The following AK5 variants were observed in gnomAD, a reference collection of about 807,000 sequenced individuals.
AK5 encodes the protein adenylate kinase isoenzyme 5.
AK5 carries 27 observed loss-of-function variants against 69.5 expected under a neutral mutation model. The observed-to-expected ratio is 0.39, with a 90% CI of 0.29 to 0.54. AK5 has a LOEUF of 0.54. Ranked by LOEUF, AK5 falls within the 20% of genes least tolerant of loss-of-function variation. AK5 has a pLI of 0.71. For missense variants in AK5, 531 were observed against 700.4 expected, an observed-to-expected ratio of 0.76 and a Z score of 2.73; for synonymous variants, 260 against 244.4, an observed-to-expected ratio of 1.06 and a Z score of -0.60.
At chr1:77,367,550 G>GA (rs1557532335) in intron 6 of AK5, among the ~76,000 whole-genome samples, 20 of 7,738 alleles carry the variant, frequency 2.6e-3, no homozygotes, top group Non-Finnish European at 5.8e-3. Flanking sequence ...ACTCATTTAT[G>GA]TTATTTTTAT....
rs923148505 is a variant in AK5 at position 77,426,477 on chromosome 1, G to A, written c.1059+8762G>A. On this transcript the variant is annotated intron_variant, in intron 8 of 13. Transcript: ENST00000354567. ...GCCTAACAACTAAGCATCAAAACACGTAAGGCAAAAACTAGTAGAATAGCA... is the reference window on the plus strand; with the variant it reads ...GCCTAACAACTAAGCATCAAAACACATAAGGCAAAAACTAGTAGAATAGCA... 5.3e-5 allele frequency among the ~76,000 whole-genome samples: 8 copies of A among 152,256 alleles called. 1 individual carries two copies. The South Asian group carries it at 6.2e-4, about 12-fold the overall frequency.
intron 9 of AK5, among the ~76,000 whole-genome samples, chr1:77,485,834 A>G (rs116844525): frequency 0.01 from 1,582 of 152,322 alleles, 35 homozygotes; most frequent in East Asian, 0.08. Context: ...AGACTGAAAT[A>G]AGCAGGGCAC....
intron 8 of AK5, among the ~76,000 whole-genome samples, chr1:77,467,333 A>G: frequency 6.6e-6 from 1 of 152,192 alleles, no homozygotes; most frequent in South Asian, 2.1e-4. Flanking sequence ...GACTCACACA[A>G]TGAATGCATT....
chr1:77,312,307 A>C (rs1227146493), intron 5 of AK5, among the ~76,000 whole-genome samples: 1 of 152,036 alleles, frequency 6.6e-6, no homozygotes, highest in Non-Finnish European at 1.5e-5. Context: ...TCTGCCTTCT[A>C]AGAATTGGTT....
chr1:77,489,284 A>T (rs76849244), intron 10 of AK5, among the ~76,000 whole-genome samples: 96 of 151,886 alleles, frequency 6.3e-4, no homozygotes, highest in African/African-American at 2.2e-3. Context: ...ATCTAACAAA[A>T]CTCTCCTGTA....
intron 2 of AK5, among the ~76,000 whole-genome samples, chr1:77,290,942 A>G (rs1658653180): frequency 6.6e-6 from 1 of 152,230 alleles, no homozygotes; most frequent in South Asian, 2.1e-4. Context: ...ATCATAGGTT[A>G]AGGAATTAAC....
At chr1:77,320,472 G>A (rs1270704493) in intron 5 of AK5, among the ~76,000 whole-genome samples, 42 of 152,202 alleles carry the variant, frequency 2.8e-4, no homozygotes, top group Admixed American at 2.7e-3. Context: ...AACCAAGCCA[G>A]GTGCGGTGGC....
At chr1:77,410,064 T>C (rs80171445) in intron 6 of AK5, among the ~76,000 whole-genome samples, 2,344 of 152,250 alleles carry the variant, frequency 0.015, 66 homozygotes, top group African/African-American at 0.054. Flanking sequence ...GACAAAAATG[T>C]GTTAACAAAC....
chr1:77,515,011 C>T (rs1657557239), intron 10 of AK5, among the ~76,000 whole-genome samples: 1 of 152,216 alleles, frequency 6.6e-6, no homozygotes, highest in Admixed American at 6.5e-5. Flanking sequence ...GAGTGGCCAC[C>T]TTGTTCCCAC....
intron 8 of AK5, among the ~76,000 whole-genome samples, chr1:77,424,806 G>A (rs180709216): frequency 5.5e-4 from 84 of 152,190 alleles, no homozygotes; most frequent in Non-Finnish European, 8.5e-4. Flanking sequence ...TGCATAATGG[G>A]AATACCAGAA....
At chr1:77,423,179 C>CCACTG (rs1242554173) in intron 8 of AK5, among the ~76,000 whole-genome samples, 6 of 145,740 alleles carry the variant, frequency 4.1e-5, no homozygotes, top group Non-Finnish European at 5.9e-5. Context: ...CAAGATAGCA[C>CCACTG]CACTGCACTC....
intron 8 of AK5, among the ~76,000 whole-genome samples, chr1:77,440,511 T>C (rs1427222612): frequency 6.6e-6 from 1 of 152,172 alleles, no homozygotes; most frequent in African/African-American, 2.4e-5. Flanking sequence ...TGAATGTCCA[T>C]ATATCCCCTC....
intron 6 of AK5, among the ~76,000 whole-genome samples, chr1:77,407,438 C>A (rs748725345): frequency 3.9e-5 from 6 of 151,948 alleles, no homozygotes; most frequent in Non-Finnish European, 1.5e-5. Flanking sequence ...ATGTAAAAAT[C>A]TAGAAAATGT....
intron 6 of AK5, among the ~76,000 whole-genome samples, chr1:77,367,619 G>GTAAAATATATT (rs1167999142): frequency 1.2e-5 from 1 of 83,120 alleles, no homozygotes; most frequent in African/African-American, 5.5e-5. Flanking sequence ...TAATATATAT[G>GTAAAATATATT]TTATATATGT....
At chr1:77,325,057 A>C (rs1461031028) in intron 5 of AK5, among the ~76,000 whole-genome samples, 4 of 149,710 alleles carry the variant, frequency 2.7e-5, no homozygotes, top group African/African-American at 9.9e-5. Flanking sequence ...ACTACACTGC[A>C]ACCTCTGCTT....
intron 5 of AK5, among the ~76,000 whole-genome samples, chr1:77,320,477 G>A (rs538759448): frequency 1.3e-4 from 20 of 152,244 alleles, no homozygotes; most frequent in African/African-American, 3.4e-4. Context: ...AGCCAGGTGC[G>A]GTGGCTCATG....
intron 8 of AK5, among the ~76,000 whole-genome samples, chr1:77,432,923 A>C (rs1281747374): frequency 6.6e-6 from 1 of 152,216 alleles, no homozygotes; most frequent in African/African-American, 2.4e-5. Flanking sequence ...TGTCTTGGGA[A>C]ACGCTGCCTA....
intron 10 of AK5, among the ~76,000 whole-genome samples, chr1:77,503,175 G>C (rs1244355778): frequency 6.6e-6 from 1 of 152,168 alleles, no homozygotes; most frequent in Non-Finnish European, 1.5e-5. Flanking sequence ...AAATTGCTGA[G>C]AGTTAACATT....
intron 8 of AK5, among the ~76,000 whole-genome samples, chr1:77,460,189 A>G (rs1653747141): frequency 6.6e-6 from 1 of 152,250 alleles, no homozygotes; most frequent in Admixed American, 6.5e-5. Flanking sequence ...TGATAAAGTG[A>G]TTCAGACCTC....
Sources: gnomAD v4.1 joint callset for allele counts (sites outside exome capture counted in the v4.1 genomes callset) on GRCh38, gnomAD v4.1.1 for gene constraint, MANE v1.5 for transcripts, NCBI Gene and HGNC (gene_info 2026-07-23, HGNC 2026-07-21) for gene names.